DNAJC6: variants seen among roughly 807,000 people sequenced by gnomAD.
The protein encoded by DNAJC6 is auxilin.
DNAJC6 carries 34 observed loss-of-function variants against 110.0 expected under a neutral mutation model. The ratio of observed to expected loss-of-function variants is 0.31; its 90% confidence interval spans 0.24 to 0.41. The LOEUF (loss-of-function observed/expected upper bound fraction) is 0.41. Among genes scored for constraint, DNAJC6 ranks in the 10% least tolerant of loss-of-function variants. The pLI is 1.00. For missense variants in DNAJC6, 1,031 were observed against 1,207.8 expected (o/e 0.85, Z 2.17); for synonymous variants, 406 against 437.2 (o/e 0.93, Z 0.89).
intron 1 of DNAJC6, among the ~76,000 whole-genome samples, chr1:65,331,865 C>G (rs1307516693): frequency 6.6e-6 from 1 of 152,202 alleles, no homozygotes; most frequent in African/African-American, 2.4e-5. Flanking sequence ...CATGAGGAAA[C>G]TGAGGCACAG....
intron 1 of DNAJC6, among the ~76,000 whole-genome samples, chr1:65,265,622 T>A (rs528140624): frequency 6.6e-6 from 1 of 152,328 alleles, no homozygotes; most frequent in South Asian, 2.1e-4. Context: ...GCCAACCAAA[T>A]TTTAAGTTCA....
chr1:65,408,793 G>T lies in DNAJC6; in HGVS notation c.2634+10G>T. 6.2e-7 allele frequency: 1 copy of T among 1,610,756 alleles called. No homozygotes were observed. Among genetic ancestry groups the T allele is most frequent in the East Asian group, 2.2e-5 (1 of 44,864 alleles). On this transcript the variant is annotated intron_variant, in intron 17 of 18. Transcript: ENST00000371069. Reference sequence around the variant, plus strand: ...TCCTGAGAAATTAAAGGTGAGTGAGGCCCCTGACGCAGCTTGATTATCCTA... The same window carrying T: ...TCCTGAGAAATTAAAGGTGAGTGAGTCCCCTGACGCAGCTTGATTATCCTA...
upstream of DNAJC6, among the ~76,000 whole-genome samples, chr1:65,309,303 C>CT (rs1375179749): frequency 6.6e-6 from 1 of 151,128 alleles, no homozygotes; most frequent in Non-Finnish European, 1.5e-5. Flanking sequence ...CGAACCTCCC[C>CT]TCCCTTCCTA....
intron 8 of DNAJC6, among the ~76,000 whole-genome samples, chr1:65,387,141 A>T (rs958421089): frequency 7.2e-5 from 11 of 152,184 alleles, no homozygotes; most frequent in African/African-American, 2.7e-4. Context: ...CCTTGGCATG[A>T]TGTCCGTGCC....
At chr1:65,353,788 G>C (rs377327829) in intron 1 of DNAJC6, among the ~76,000 whole-genome samples, 2 of 152,080 alleles carry the variant, frequency 1.3e-5, no homozygotes, top group East Asian at 3.9e-4. Context: ...TAAAGCGCAT[G>C]TTGTATTTCA....
intron 1 of DNAJC6, among the ~76,000 whole-genome samples, chr1:65,332,273 G>A (rs903553641): frequency 6.6e-6 from 1 of 152,154 alleles, no homozygotes; most frequent in Non-Finnish European, 1.5e-5. Context: ...TAGACTACAG[G>A]AAGGGGCAAT....
Position 65,365,938 on chromosome 1 carries a change from A to T in DNAJC6, c.394+4A>T. Reference sequence around the variant, plus strand: ...TATGTTACCTCCAGAATTATTGGTAAGTTTCTCATGTTTATTAACAGTCCT... The same window carrying T: ...TATGTTACCTCCAGAATTATTGGTATGTTTCTCATGTTTATTAACAGTCCT... On this transcript the variant is annotated splice_donor_region_variant and intron_variant, in intron 3 of 18. Coordinates refer to ENST00000371069, the MANE Select transcript of DNAJC6 (RefSeq NM_001256864.2). The T allele has an allele frequency of 1.2e-6, 2 of 1,613,540 alleles. No homozygotes were observed. Among genetic ancestry groups the T allele is most frequent in the Non-Finnish European group, 1.7e-6 (2 of 1,179,688 alleles).
At chr1:65,309,187 C>T (rs1432916121), upstream of DNAJC6, among the ~76,000 whole-genome samples, 1 of 152,022 alleles carries the variant, frequency 6.6e-6, no homozygotes, top group Non-Finnish European at 1.5e-5. Context: ...GATACCTCGC[C>T]CCTTTCTTCT....
intron 1 of DNAJC6, among the ~76,000 whole-genome samples, chr1:65,294,826 T>A (rs916821958): frequency 7.2e-5 from 11 of 152,200 alleles, no homozygotes; most frequent in Admixed American, 5.9e-4. Context: ...TGGACAATGT[T>A]TTGCTTAAAA....
At chr1:65,314,699 G>T (rs959182374) in intron 1 of DNAJC6, among the ~76,000 whole-genome samples, 2 of 152,148 alleles carry the variant, frequency 1.3e-5, no homozygotes, top group Non-Finnish European at 2.9e-5. Flanking sequence ...TGTTGGCCAG[G>T]TTGGTCTTGG....
chr1:65,369,056 C>A (rs1645680761), intron 4 of DNAJC6, among the ~76,000 whole-genome samples: 1 of 152,026 alleles, frequency 6.6e-6, no homozygotes, highest in African/African-American at 2.4e-5. Context: ...AGGTGTGAGC[C>A]ACCACCCCCA....
At chr1:65,335,605 G>T (rs1351708691) in intron 1 of DNAJC6, among the ~76,000 whole-genome samples, 1 of 152,146 alleles carries the variant, frequency 6.6e-6, no homozygotes, top group Non-Finnish European at 1.5e-5. Flanking sequence ...AAGCCGCGTG[G>T]CTCACTGGGG....
chr1:65,268,859 G>C (rs1377382070), intron 1 of DNAJC6, among the ~76,000 whole-genome samples: 1 of 151,964 alleles, frequency 6.6e-6, no homozygotes, highest in African/African-American at 2.4e-5. Flanking sequence ...TTTTTACTAA[G>C]TTCTTTGAGT....
chr1:65,271,161 G>T (rs1310373492), intron 1 of DNAJC6, among the ~76,000 whole-genome samples: 5 of 125,312 alleles, frequency 4.0e-5, no homozygotes, highest in Non-Finnish European at 6.8e-5. Context: ...TATTTATGGG[G>T]TACAATGTGA....
intron 1 of DNAJC6, among the ~76,000 whole-genome samples, chr1:65,346,526 C>CTCAA (rs1645438503): frequency 6.6e-6 from 1 of 152,106 alleles, no homozygotes; most frequent in Non-Finnish European, 1.5e-5. Flanking sequence ...CTAACACACC[C>CTCAA]TCAAGTTCCC....
At chr1:65,358,178 C>CAAAAAAAAA (rs11285114) in intron 1 of DNAJC6, among the ~76,000 whole-genome samples, 2 of 80,032 alleles carry the variant, frequency 2.5e-5, no homozygotes, top group Non-Finnish European at 4.8e-5. Flanking sequence ...GACTCAGTCT[C>CAAAAAAAAA]AAAAAAAAAA....
intron 1 of DNAJC6, among the ~76,000 whole-genome samples, chr1:65,347,422 C>A (rs961693506): frequency 7.3e-5 from 11 of 150,858 alleles, no homozygotes; most frequent in Non-Finnish European, 1.3e-4. Flanking sequence ...TTTTTTACTT[C>A]ATCAGCCTCA....
chr1:65,371,027 G>A (rs905359471), intron 4 of DNAJC6, among the ~76,000 whole-genome samples: 2 of 152,110 alleles, frequency 1.3e-5, no homozygotes, highest in Non-Finnish European at 2.9e-5. Context: ...TCCCTGGCCT[G>A]GGGGCCAGAG....
In DNAJC6 at chr1:65,265,014, A is replaced by G. The variant is rs536539576; in HGVS notation, c.-131+82A>G. 3.0e-6 allele frequency: 4 copies of G among 1,334,506 alleles called. No homozygotes were observed. In the South Asian group the frequency reaches 3.7e-5, roughly 12 times the overall value. 82.7% of individuals were successfully genotyped at this position (1,334,506 alleles called of 1,614,324 possible). ...AGGGATGCGATGTCACTCCACAGAC[A>G]TATTTAGTTTGTATTAATGGCTAGT... On this transcript the variant is annotated intron_variant, in intron 1 of 19. Coordinates refer to the DNAJC6 transcript ENST00000263441.
Sources: gnomAD v4.1 joint callset for allele counts (sites outside exome capture counted in the v4.1 genomes callset) on GRCh38, gnomAD v4.1.1 for gene constraint, MANE v1.5 for transcripts, NCBI Gene and HGNC (gene_info 2026-07-23, HGNC 2026-07-21) for gene names.